Variants in TTC28 observed in about 807,000 individuals in gnomAD.
The protein encoded by TTC28 is tetratricopeptide repeat domain 28.
In TTC28, 61 loss-of-function variants were observed where a neutral mutation model predicts 198.0. The ratio of observed to expected loss-of-function variants is 0.31; its 90% CI spans 0.25 to 0.38. The LOEUF is 0.38. Among genes scored for constraint, TTC28 ranks in the 10% least tolerant of loss-of-function variants. TTC28 has a pLI of 1.00. For missense variants in TTC28, 2,678 were observed against 3,164.0 expected, an observed-to-expected ratio of 0.85 and a Z score of 3.69; for synonymous variants, 1,171 against 1,297.8, an observed-to-expected ratio of 0.90 and a Z score of 2.10.
intron 12 of TTC28, among the ~76,000 whole-genome samples, chr22:28,054,556 G>C (rs1047429559): frequency 3.3e-5 from 5 of 152,074 alleles, no homozygotes; most frequent in African/African-American, 1.2e-4. Context: ...AGCAGAGAGG[G>C]AGTGGTGATG....
intron 2 of TTC28, among the ~76,000 whole-genome samples, chr22:28,415,335 T>A (rs952905723): frequency 1.7e-4 from 26 of 151,992 alleles, no homozygotes; most frequent in Admixed American, 7.9e-4. Context: ...AGGTAAGCAA[T>A]TACAACTTTT....
intron 2 of TTC28, among the ~76,000 whole-genome samples, chr22:28,532,149 T>A (rs1290968750): frequency 6.6e-6 from 1 of 151,932 alleles, no homozygotes; most frequent in Non-Finnish European, 1.5e-5. Flanking sequence ...ACAAAATTGA[T>A]AGACCACTAG....
At chr22:28,542,945 A>G (rs1459560274) in intron 2 of TTC28, among the ~76,000 whole-genome samples, 1 of 152,260 alleles carries the variant, frequency 6.6e-6, no homozygotes, top group African/African-American at 2.4e-5. Flanking sequence ...AACAATATTC[A>G]TTCATGCTAG....
intron 1 of TTC28, among the ~76,000 whole-genome samples, chr22:28,650,448 C>G (rs2051546939): frequency 6.6e-6 from 1 of 152,164 alleles, no homozygotes; most frequent in Non-Finnish European, 1.5e-5. Context: ...ACTGAAGATA[C>G]CCAGTAATCT....
intron 2 of TTC28, among the ~76,000 whole-genome samples, chr22:28,380,952 T>C (rs1353245426): frequency 6.6e-6 from 1 of 152,146 alleles, no homozygotes; most frequent in Non-Finnish European, 1.5e-5. Flanking sequence ...ACTTCTAGCA[T>C]TTATTTTATG....
Position 28,087,863 on chromosome 22 carries a change from C to T in TTC28, c.3932+6217G>A, listed in dbSNP as rs200495163. ...AAAAATCACAAGCATTCTTATACAC[C>T]AATAACAGACAAACAGAGAGCCAAA... On this transcript the variant is annotated intron_variant, in intron 12 of 22. Transcript: ENST00000397906. Among the ~76,000 whole-genome samples the T allele has an allele frequency of 9.3e-4, 141 of 152,124 alleles. 2 individuals are homozygous for T. In the East Asian group the frequency reaches 0.024, roughly 25 times the overall value.
At chr22:28,583,050 T>C (rs956302319) in intron 2 of TTC28, among the ~76,000 whole-genome samples, 2 of 152,140 alleles carry the variant, frequency 1.3e-5, no homozygotes, top group Non-Finnish European at 2.9e-5. Flanking sequence ...CATAGTTACA[T>C]GACGACACAA....
At chr22:28,169,176 G>A (rs1305174117) in intron 5 of TTC28, among the ~76,000 whole-genome samples, 1 of 152,150 alleles carries the variant, frequency 6.6e-6, no homozygotes, top group Non-Finnish European at 1.5e-5. Context: ...GGAAACAACA[G>A]GTGCTGGAGA....
At chr22:28,481,815 T>C (rs1348214759) in intron 2 of TTC28, among the ~76,000 whole-genome samples, 1 of 152,218 alleles carries the variant, frequency 6.6e-6, no homozygotes, top group African/African-American at 2.4e-5. Flanking sequence ...GTTGGTTTTG[T>C]GCTGCAATGC....
At chr22:28,337,530 TG>T (rs1489455818) in intron 2 of TTC28, among the ~76,000 whole-genome samples, 2 of 152,246 alleles carry the variant, frequency 1.3e-5, no homozygotes, top group Non-Finnish European at 2.9e-5. Context: ...GCTTCTGTAT[TG>T]GGTGCATATG....
At chr22:28,647,294 C>G (rs1052105756) in intron 1 of TTC28, among the ~76,000 whole-genome samples, 8 of 151,976 alleles carry the variant, frequency 5.3e-5, no homozygotes, top group African/African-American at 1.9e-4. Flanking sequence ...AGAAGAAAAT[C>G]TAGGAAAAAC....
At chr22:28,531,400 T>C (rs2049136289) in intron 2 of TTC28, among the ~76,000 whole-genome samples, 1 of 152,094 alleles carries the variant, frequency 6.6e-6, no homozygotes. Context: ...AGTACCCAAA[T>C]TCATAAAGCA....
intron 12 of TTC28, among the ~76,000 whole-genome samples, chr22:28,085,017 C>G (rs182287322): frequency 0.011 from 1,616 of 152,090 alleles, 25 homozygotes; most frequent in South Asian, 0.018. Flanking sequence ...TATGTGAAAA[C>G]ACCAAATCTA....
At chr22:28,261,307 T>C (rs535633376) in intron 5 of TTC28, among the ~76,000 whole-genome samples, 191 of 152,220 alleles carry the variant, frequency 1.3e-3, no homozygotes, top group Non-Finnish European at 2.4e-3. Context: ...AGTAATGATA[T>C]AGTTAGTACA....
chr22:28,096,935 G>A (rs1428171654), intron 10 of TTC28, among the ~76,000 whole-genome samples: 1 of 152,004 alleles, frequency 6.6e-6, no homozygotes, highest in Non-Finnish European at 1.5e-5. Flanking sequence ...TTCCCAAGTA[G>A]CTGGGATTAC....
intron 2 of TTC28, among the ~76,000 whole-genome samples, chr22:28,446,760 C>G (rs974638112): frequency 6.6e-6 from 1 of 152,028 alleles, no homozygotes; most frequent in African/African-American, 2.4e-5. Flanking sequence ...TAATTTACAG[C>G]AATAAACAGT....
At chr22:28,575,117 AGAGT>A (rs1377833731) in intron 2 of TTC28, among the ~76,000 whole-genome samples, 2 of 152,152 alleles carry the variant, frequency 1.3e-5, no homozygotes, top group African/African-American at 4.8e-5. Flanking sequence ...AATGTCCTAG[AGAGT>A]TTCTCCCAAT....
Position 28,003,432 on chromosome 22 carries a change from C to G in TTC28, c.4219-1879G>C, listed in dbSNP as rs556088969. Among the ~76,000 whole-genome samples the G allele has an allele frequency of 4.6e-5, 7 of 152,282 alleles. No homozygotes were observed. In the East Asian group the frequency reaches 1.2e-3, roughly 25 times the overall value. On this transcript the variant is annotated intron_variant, in intron 14 of 22. Transcript: ENST00000397906. ...GCCACCTGCCATGTGCAAAACTGGA[C>G]CCACTTCCACTGTTCCAGAGTCGCA... is the stretch of plus-strand genomic sequence containing the variant.
Position 27,982,425 on chromosome 22 carries a change from CTTCAGT to C in TTC28, c.7236_7241del (p.Leu2413_Lys2414del). On this transcript the variant is annotated inframe_deletion, in exon 23 of 23. Coordinates refer to ENST00000397906, the MANE Select transcript of TTC28 (RefSeq NM_001145418.2). This position sits in a 1 kb window ranked among gnomAD's most constrained non-coding sequence, Gnocchi z 5.2. ...CGTCATGCTGCTGCAGGGACAGCTC[CTTCAGT>C]TCAAGCTTATCCACTCCCTCCTCCT... 6.4e-7 allele frequency: 1 copy of C among 1,551,474 alleles called. No homozygotes were observed. The highest frequency in any genetic ancestry group is 8.7e-7 in the Non-Finnish European group (1 of 1,146,970).
Sources: allele counts gnomAD v4.1 joint callset (sites outside exome capture counted in the v4.1 genomes callset), GRCh38; gene constraint gnomAD v4.1.1; non-coding constraint Gnocchi (gnomAD v3.1); transcripts MANE v1.5; gene names NCBI Gene and HGNC (gene_info 2026-07-23, HGNC 2026-07-21).